The following ZDHHC7 variants were observed in gnomAD, a reference collection of about 807,000 sequenced individuals.
ZDHHC7 encodes zDHHC palmitoyltransferase 7.
A neutral mutation model predicts 34.1 loss-of-function variants in ZDHHC7; 12 were observed. That is an observed-to-expected ratio of 0.35 (90% CI 0.23 to 0.57). The LOEUF (loss-of-function observed/expected upper bound fraction) is 0.57. ZDHHC7 is among the 20% of genes least tolerant of loss of function. The probability of loss-of-function intolerance (pLI) is 0.84; values close to 1 mark genes in which losing one functional copy is unlikely to be tolerated. For missense variants in ZDHHC7, 388 were observed against 402.7 expected, an observed-to-expected ratio of 0.96 and a Z score of 0.31; for synonymous variants, 185 against 155.4, an observed-to-expected ratio of 1.19 and a Z score of -1.42.
chr16:84,990,206 A>G lies in ZDHHC7; in HGVS notation c.315+98T>C, dbSNP rs1019405916. ...CCTTTCTTGTTCCACACCCATGTCA[A>G]TATGTCCCTGTGCACTGCTTCCTCC... On this transcript the variant is annotated intron_variant, in intron 3 of 7. Transcript: ENST00000313732. The G allele has an allele frequency of 9.4e-6, 13 of 1,379,962 alleles. No individual in the cohort carries two copies. The East Asian group carries it at 1.6e-4, about 17-fold the overall frequency. 85.5% of individuals were successfully genotyped at this position (1,379,962 alleles called of 1,614,324 possible).
intron 1 of ZDHHC7, among the ~76,000 whole-genome samples, chr16:84,999,944 G>A (rs2072632076): frequency 6.6e-6 from 1 of 152,070 alleles, no homozygotes; most frequent in African/African-American, 2.4e-5. Context: ...AAGAGTTCAA[G>A]ACTAATCTGG....
chr16:84,974,480 T>C lies in ZDHHC7; in HGVS notation c.*1863A>G, dbSNP rs2072268966. 2 of 152,358 alleles carry C rather than the reference T, an allele frequency of 1.3e-5. No individual in the cohort carries two copies. The highest frequency in any genetic ancestry group is 4.1e-4 in the South Asian group (2 of 4,834). 9.4% of individuals were successfully genotyped at this position (152,358 alleles called of 1,614,324 possible). Reference sequence around the variant, plus strand: ...AGCCATTTGAGAACTGTTAATTGATTACTTTATTTCATATAAAAGTTACAT... The same window carrying C: ...AGCCATTTGAGAACTGTTAATTGATCACTTTATTTCATATAAAAGTTACAT... On this transcript the variant is annotated 3_prime_UTR_variant, in exon 8 of 8. Transcript: ENST00000313732.
chr16:85,026,602 C>G, the ZDHHC7 span, among the ~76,000 whole-genome samples: 1 of 151,232 alleles, frequency 6.6e-6, no homozygotes, highest in Non-Finnish European at 1.5e-5. Flanking sequence ...TTTCCAAGGA[C>G]TGCCACTTCT....
At chr16:85,020,451 A>G in the ZDHHC7 span, among the ~76,000 whole-genome samples, 1 of 152,154 alleles carries the variant, frequency 6.6e-6, no homozygotes, top group Admixed American at 6.6e-5. Flanking sequence ...GGAAGATGAT[A>G]TTATTTGCTG....
rs992852659 is a variant in ZDHHC7 at position 84,975,718 on chromosome 16, T to G, written c.*625A>C. 2.0e-5 allele frequency: 3 copies of G among 152,616 alleles called. No individual in the cohort carries two copies. Among genetic ancestry groups the G allele is most frequent in the African/African-American group, 7.3e-5 (3 of 41,182 alleles). The allele number at this position is 152,616 out of a possible 1,614,324, so 9.5% of individuals were successfully genotyped here. On this transcript the variant is annotated 3_prime_UTR_variant, in exon 8 of 8. Coordinates refer to ENST00000313732, the MANE Select transcript of ZDHHC7 (RefSeq NM_017740.3). ...ACAACACTGGCAATTTTGACACACA[T>G]GCACACACGCGCGCACACGCACAGA...
At chr16:85,013,210 TTTCTC>T (rs2072816720), upstream of ZDHHC7, among the ~76,000 whole-genome samples, 1 of 152,142 alleles carries the variant, frequency 6.6e-6, no homozygotes, top group African/African-American at 2.4e-5. Context: ...TGTCCTGTCA[TTTCTC>T]TACAAAAGTA....
chr16:85,016,698 G>A, the ZDHHC7 span, among the ~76,000 whole-genome samples: 24,117 of 151,350 alleles, frequency 0.16, 2,432 homozygotes, highest in Admixed American at 0.28. Flanking sequence ...GAACTCAAGC[G>A]ATCCTCTCAC....
chr16:84,997,895 T>TA (rs751166134), intron 1 of ZDHHC7, among the ~76,000 whole-genome samples: 11,056 of 64,238 alleles, frequency 0.17, 1,215 homozygotes, highest in Admixed American at 0.25. Context: ...AGACTCCGTC[T>TA]AAAAAAAAAA....
rs370177395 is a variant in ZDHHC7, at chr16:84,987,242, A to T, written c.315+3062T>A. 2.0e-5 allele frequency among the ~76,000 whole-genome samples: 3 copies of T among 152,262 alleles called. No individual in the cohort carries two copies. The East Asian group carries it at 5.8e-4, about 29-fold the overall frequency. On this transcript the variant is annotated intron_variant, in intron 3 of 7. Transcript: ENST00000313732. ...GGTTTCTGTCACTTGTCACCAGAGG[A>T]CTCAAGCAGACATGCTTCCAAAGAA... is the stretch of plus-strand genomic sequence containing the variant.
At chr16:85,005,401 C>T (rs936512119) in intron 1 of ZDHHC7, among the ~76,000 whole-genome samples, 2 of 152,184 alleles carry the variant, frequency 1.3e-5, no homozygotes, top group Non-Finnish European at 2.9e-5. Flanking sequence ...AGGCTATTTA[C>T]TGAGCATCTA....
At chr16:85,016,172 T>G (rs779983011), upstream of ZDHHC7, among the ~76,000 whole-genome samples, 24 of 152,196 alleles carry the variant, frequency 1.6e-4, no homozygotes, top group Admixed American at 1.1e-3. Flanking sequence ...TTTTTTTAAC[T>G]TTTTAAATTT....
At chr16:85,016,742 G>A in the ZDHHC7 span, among the ~76,000 whole-genome samples, 1 of 151,826 alleles carries the variant, frequency 6.6e-6, no homozygotes, top group Admixed American at 6.6e-5. Flanking sequence ...TTACAGGCAT[G>A]AGCCACCACA....
chr16:85,015,836 C>CA (rs557190584), upstream of ZDHHC7, among the ~76,000 whole-genome samples: 1,603 of 137,278 alleles, frequency 0.012, 17 homozygotes, highest in Admixed American at 0.023. Flanking sequence ...GATCCTATCT[C>CA]AAAAAAAAAA....
At chr16:85,024,492 A>C in the ZDHHC7 span, among the ~76,000 whole-genome samples, 3 of 152,212 alleles carry the variant, frequency 2.0e-5, no homozygotes, top group African/African-American at 7.2e-5. Context: ...TGCCCTCCCA[A>C]AGTGCTGGGA....
chr16:84,982,162 G>A, intron 3 of ZDHHC7, 168 bp from the exon 4 acceptor site: 1 of 719,724 alleles, frequency 1.4e-6, no homozygotes, highest in Non-Finnish European at 2.2e-6. Context: ...TGGTCAACAT[G>A]GTGAAACCCC....
At chr16:85,017,159 A>T in the ZDHHC7 span, among the ~76,000 whole-genome samples, 87 of 152,328 alleles carry the variant, frequency 5.7e-4, 1 homozygote, top group East Asian at 0.017. Flanking sequence ...TACATGAAAA[A>T]ATTTATGTAA....
At chr16:84,976,922 G>A (rs895588219) in intron 7 of ZDHHC7, among the ~76,000 whole-genome samples, 173 bp downstream of exon 7, 2 of 152,192 alleles carry the variant, frequency 1.3e-5, no homozygotes, top group African/African-American at 2.4e-5. Context: ...CTAGAAATAT[G>A]CACTGCCCAG....
intron 1 of ZDHHC7, among the ~76,000 whole-genome samples, chr16:84,998,047 T>C (rs1597554844): frequency 6.8e-6 from 1 of 147,128 alleles, no homozygotes; most frequent in African/African-American, 2.5e-5. Context: ...GATCACGAGA[T>C]CAGGAGATCG....
upstream of ZDHHC7, among the ~76,000 whole-genome samples, chr16:85,016,127 G>A (rs898655514): frequency 7.2e-5 from 11 of 152,040 alleles, no homozygotes; most frequent in African/African-American, 2.7e-4. Context: ...CAAGAGGAAG[G>A]GCCCATTCAG....
Sources: gnomAD v4.1 joint callset for allele counts (sites outside exome capture counted in the v4.1 genomes callset) on GRCh38, gnomAD v4.1.1 for gene constraint, MANE v1.5 for transcripts, NCBI Gene and HGNC (gene_info 2026-07-23, HGNC 2026-07-21) for gene names.